Variants in LTBR observed in about 807,000 individuals in gnomAD.
LTBR encodes the protein tumor necrosis factor receptor superfamily member 3.
A neutral mutation model predicts 45.4 loss-of-function variants in LTBR; 15 were observed. The observed-to-expected ratio is 0.33, with a 90% CI of 0.22 to 0.51. LTBR has a LOEUF of 0.51. LTBR is among the 20% of genes least tolerant of loss of function. LTBR has a pLI of 0.97. For missense variants in LTBR, 450 were observed against 565.5 expected, an observed-to-expected ratio of 0.80 and a Z score of 2.07; for synonymous variants, 228 against 231.0, an observed-to-expected ratio of 0.99 and a Z score of 0.12.
chr12:6,384,920 G>A, intron 2 of LTBR, 102 bp from the exon 3 acceptor site: 4 of 1,479,378 alleles, frequency 2.7e-6, no homozygotes, highest in South Asian at 1.2e-5. Flanking sequence ...GGATGATGGG[G>A]GGCCAGAGAG....
Position 6,390,729 on chromosome 12 carries a change from C to T in LTBR, c.1100C>T (p.Pro367Leu), listed in dbSNP as rs1296142089. 1 of 1,518,506 alleles carries T rather than the reference C, an allele frequency of 6.6e-7. No homozygotes were observed. The highest frequency in any genetic ancestry group is 1.4e-5 in the African/African-American group (1 of 71,812). The allele number at this position is 1,518,506 out of a possible 1,614,324, so 94.1% of individuals were successfully genotyped here. Residue 367 changes from proline to leucine, a missense_variant, in exon 10 of 10, where the codon CCA (proline) becomes CTA (leucine). This residue lies in a region of LTBR where 12 missense variants were observed against 39.7 expected (regional missense o/e 0.30). Coordinates refer to ENST00000228918, the MANE Select transcript of LTBR (RefSeq NM_002342.3). Reference sequence around the variant, plus strand: ...GGCAACATCTACATCTACAATGGACCAGTACTGGGGGGACCACCGGGTCCT... The same window carrying T: ...GGCAACATCTACATCTACAATGGACTAGTACTGGGGGGACCACCGGGTCCT... Reference protein sequence around the residue: ...ITGNIYIYNGPVLGGPPGPGD... With the variant: ...ITGNIYIYNGLVLGGPPGPGD...
upstream of LTBR, among the ~76,000 whole-genome samples, chr12:6,382,015 C>T (rs1405867115): frequency 6.6e-6 from 1 of 152,062 alleles, no homozygotes; most frequent in East Asian, 1.9e-4. Flanking sequence ...GTGTTCTGGA[C>T]CAGTTGGGGG....
At chr12:6,383,965 C>T, upstream of LTBR, 1 of 1,050,978 alleles carries the variant, frequency 9.5e-7, no homozygotes, top group Non-Finnish European at 1.2e-6. Flanking sequence ...GGGCTGTCCG[C>T]AGTCCGCTCT....
upstream of LTBR, among the ~76,000 whole-genome samples, chr12:6,380,090 A>G (rs746519893): frequency 9.2e-5 from 14 of 152,218 alleles, no homozygotes; most frequent in Admixed American, 2.0e-4. Flanking sequence ...CCTATCTACA[A>G]TCCTGTGCAG....
intron 2 of LTBR, 135 bp from the exon 3 acceptor site, chr12:6,384,887 A>C: frequency 8.2e-7 from 1 of 1,220,584 alleles, no homozygotes; most frequent in Non-Finnish European, 1.2e-6. Context: ...CCTCACTGAG[A>C]GGGAGCCGGA....
At chr12:6,375,555 G>C (rs1003784925) in exon 1 of LTBR, 1 of 1,534,682 alleles carries the variant, frequency 6.5e-7, no homozygotes, top group East Asian at 2.4e-5. Context: ...GCCGGCCAGG[G>C]ATGGAAGCGA....
rs1365146600 is a variant in LTBR, at chr12:6,391,204, G to A, written c.*267G>A. The stretch of plus-strand genomic sequence containing the variant: ...GCTGCTCAGCCTCAGGCACGGACAG[G>A]GCACATGATACCAACTGCTGCCCAC... On this transcript the variant is annotated 3_prime_UTR_variant, in exon 10 of 10. Transcript: ENST00000228918. 1 of 363,014 alleles carries A rather than the reference G, an allele frequency of 2.8e-6. No homozygotes were observed. The highest frequency in any genetic ancestry group is 4.9e-6 in the Non-Finnish European group (1 of 202,766). 22.5% of individuals were successfully genotyped at this position (363,014 alleles called of 1,614,324 possible).
In LTBR at chr12:6,390,454, C is replaced by A. The variant is rs1015640717; in HGVS notation, c.1030+114C>A. ...CCAAAACAGAGGCAGACAGAGACTC[C>A]GCTGCCAGTCAGTGTCACAACTAGA... On this transcript the variant is annotated intron_variant, in intron 9 of 9. Transcript: ENST00000228918. 19 of 1,017,644 alleles carry A rather than the reference C, an allele frequency of 1.9e-5. 2 individuals are homozygous for A. In the South Asian group the frequency reaches 2.5e-4, roughly 13 times the overall value. The allele number at this position is 1,017,644 out of a possible 1,614,324, so 63.0% of individuals were successfully genotyped here.
Position 6,391,145 on chromosome 12 carries a change from T to A in LTBR, c.*208T>A. Reference sequence around the variant, plus strand: ...ACTCTCCCTACTGCCTGAGCAAACCTGAGGCCTCCCGGCAGACCCACCCAC... The same window carrying A: ...ACTCTCCCTACTGCCTGAGCAAACCAGAGGCCTCCCGGCAGACCCACCCAC... On this transcript the variant is annotated 3_prime_UTR_variant, in exon 10 of 10. Coordinates refer to ENST00000228918, the MANE Select transcript of LTBR (RefSeq NM_002342.3). The A allele has an allele frequency of 2.2e-6, 1 of 462,456 alleles. No homozygotes were observed. Among genetic ancestry groups the A allele is most frequent in the Non-Finnish European group, 3.6e-6 (1 of 276,122 alleles). The allele number at this position is 462,456 out of a possible 1,614,324, so 28.6% of individuals were successfully genotyped here.
chr12:6,385,979 C>T, intron 4 of LTBR, 87 bp from the exon 5 acceptor site: 1 of 872,180 alleles, frequency 1.1e-6, no homozygotes, highest in Non-Finnish European at 1.9e-6. Flanking sequence ...GGATGGGCAT[C>T]CTGAGGCTTA....
Position 6,388,167 on chromosome 12 carries a change from A to C in LTBR, c.668-231A>C. On this transcript the variant is annotated intron_variant, in intron 6 of 9. Coordinates refer to ENST00000228918, the MANE Select transcript of LTBR (RefSeq NM_002342.3). The surrounding 1 kb of genome is among the most constrained non-coding windows in gnomAD (Gnocchi z 4.3). ...CCCCAAACATGCCCATCCATGATAC[A>C]GTCTCTCCTGGCTGCCAAGAGGTCC... 2.0e-6 allele frequency: 1 copy of C among 509,540 alleles called. No individual in the cohort carries two copies. The highest frequency in any genetic ancestry group is 3.6e-5 in the East Asian group (1 of 27,704). The allele number at this position is 509,540 out of a possible 1,614,324, so 31.6% of individuals were successfully genotyped here. A position where few individuals can be genotyped will look rare whatever the true frequency, so the allele number is the denominator to read the frequency against.
chr12:6,383,078 T>G (rs747022396), upstream of LTBR, among the ~76,000 whole-genome samples: 7 of 152,172 alleles, frequency 4.6e-5, no homozygotes, highest in Non-Finnish European at 8.8e-5. Flanking sequence ...TGGGCCATGG[T>G]GGCACTCACA....
intron 9 of LTBR, 124 bp from the exon 10 acceptor site, chr12:6,390,536 A>T: frequency 9.0e-7 from 1 of 1,111,906 alleles, no homozygotes. Context: ...GAAGCTCAAT[A>T]AACCAGCAGC....
At chr12:6,383,108 A>G (rs1949000884), upstream of LTBR, among the ~76,000 whole-genome samples, 1 of 152,208 alleles carries the variant, frequency 6.6e-6, no homozygotes, top group African/African-American at 2.4e-5. Flanking sequence ...GAAGCAAACA[A>G]GACAGCCAGG....
At chr12:6,380,320 A>G (rs374991293), upstream of LTBR, among the ~76,000 whole-genome samples, 2 of 152,240 alleles carry the variant, frequency 1.3e-5, no homozygotes, top group East Asian at 3.8e-4. Context: ...TTGCCAGACC[A>G]TTTCCAAGAG....
chr12:6,388,779 C>A lies in LTBR; in HGVS notation c.776-21C>A. 6.2e-7 allele frequency: 1 copy of A among 1,614,016 alleles called. No homozygotes were observed. The highest frequency in any genetic ancestry group is 8.5e-7 in the Non-Finnish European group (1 of 1,179,968). ...CTGAGGCCTGCCGGGGAGCCTACAC[C>A]CATTTCATTCTCCATTGCAGGATCG... On this transcript the variant is annotated intron_variant, in intron 7 of 9. Transcript: ENST00000228918. This position sits in a 1 kb window ranked among gnomAD's most constrained non-coding sequence, Gnocchi z 4.3.
chr12:6,384,815 A>G, intron 2 of LTBR, 131 bp downstream of exon 2: 1 of 1,039,906 alleles, frequency 9.6e-7, no homozygotes, highest in Non-Finnish European at 1.4e-6. Flanking sequence ...AGCGTGGGAA[A>G]CCCTGGACAT....
chr12:6,390,568 AGGG>A, intron 9 of LTBR, 89 bp from the exon 10 acceptor site: 1 of 1,322,254 alleles, frequency 7.6e-7, no homozygotes, highest in Non-Finnish European at 1.0e-6. Context: ...GGGCGGGGCC[AGGG>A]GAAAGGCGAG....
intron 1 of LTBR, chr12:6,375,872 A>G: frequency 7.8e-7 from 1 of 1,285,654 alleles, no homozygotes. Context: ...GGGAACCGGG[A>G]GGACAGGAGG....
Sources: gnomAD v4.1 joint callset for allele counts (sites outside exome capture counted in the v4.1 genomes callset) on GRCh38, gnomAD v4.1.1 for gene constraint, gnomAD v4.1.1 regional missense constraint, Gnocchi (gnomAD v3.1) non-coding constraint, MANE v1.5 for transcripts, NCBI Gene and HGNC (gene_info 2026-07-23, HGNC 2026-07-21) for gene names.